L3MBTL4: variants seen among roughly 807,000 people sequenced by gnomAD.
The protein encoded by L3MBTL4 is lethal(3)malignant brain tumor-like protein 4.
Under a neutral mutation model 84.5 loss-of-function variants are expected in L3MBTL4, and 70 were observed. The ratio of observed to expected loss-of-function variants is 0.83; its 90% CI spans 0.68 to 1.01. L3MBTL4 has a LOEUF of 1.01. Among genes scored for constraint, L3MBTL4 ranks in the 50% least tolerant of loss-of-function variants. L3MBTL4 has a pLI of 0.00. For missense variants in L3MBTL4, 715 were observed against 754.8 expected, an observed-to-expected ratio of 0.95 and a Z score of 0.62; for synonymous variants, 274 against 259.8, an observed-to-expected ratio of 1.05 and a Z score of -0.52.
intron 10 of L3MBTL4, among the ~76,000 whole-genome samples, chr18:6,224,158 C>A (rs887300950): frequency 1.3e-5 from 2 of 151,940 alleles, no homozygotes; most frequent in African/African-American, 4.8e-5. Flanking sequence ...AGCCCCAAGG[C>A]GAACAGGTAA....
chr18:6,315,480 T>C (rs1393203867), intron 1 of L3MBTL4, among the ~76,000 whole-genome samples: 1 of 152,226 alleles, frequency 6.6e-6, no homozygotes, highest in African/African-American at 2.4e-5. Context: ...TTTCAATTAA[T>C]ACTTATGACA....
At chr18:6,225,574 A>G (rs1361530521) in intron 10 of L3MBTL4, among the ~76,000 whole-genome samples, 1 of 152,138 alleles carries the variant, frequency 6.6e-6, no homozygotes, top group African/African-American at 2.4e-5. Context: ...AGCCTGGGAA[A>G]CATGGCAAAA....
intron 1 of L3MBTL4, among the ~76,000 whole-genome samples, chr18:6,341,165 G>C (rs2052590934): frequency 6.6e-6 from 1 of 152,012 alleles, no homozygotes; most frequent in Non-Finnish European, 1.5e-5. Context: ...GGCTGGAAGA[G>C]GTGACTACTT....
At position 5,955,878 on chromosome 18, in the gene L3MBTL4, C is replaced by T; in HGVS notation, c.*342G>A. On this transcript the variant is annotated 3_prime_UTR_variant, in exon 19 of 19. Transcript: ENST00000317931. ...TATTTCACCACTTGAGAGTGTTATG[C>T]TTGTAAGATGGAAAATGGTTTCTTT... The T allele has an allele frequency of 5.2e-6, 1 of 193,912 alleles. No individual in the cohort carries two copies. Among genetic ancestry groups the T allele is most frequent in the South Asian group, 1.5e-4 (1 of 6,598 alleles). The allele number at this position is 193,912 out of a possible 1,614,324, so 12.0% of individuals were successfully genotyped here. A position where few individuals can be genotyped will look rare whatever the true frequency, so the allele number is the denominator to read the frequency against.
intron 18 of L3MBTL4, among the ~76,000 whole-genome samples, chr18:5,957,461 G>A (rs912283409): frequency 6.6e-6 from 1 of 151,808 alleles, no homozygotes; most frequent in African/African-American, 2.4e-5. Context: ...AGTGGCCACC[G>A]TGTAGGCTGC....
chr18:6,060,311 T>A (rs1312501401), intron 16 of L3MBTL4, among the ~76,000 whole-genome samples: 1 of 152,106 alleles, frequency 6.6e-6, no homozygotes, highest in Non-Finnish European at 1.5e-5. Flanking sequence ...CCTATTCCTC[T>A]ATGCCTAAAA....
At chr18:6,177,352 T>C (rs2044269140) in intron 12 of L3MBTL4, among the ~76,000 whole-genome samples, 1 of 152,166 alleles carries the variant, frequency 6.6e-6, no homozygotes, top group Non-Finnish European at 1.5e-5. Context: ...TGTTGAGCAA[T>C]GAGGCAGACA....
chr18:6,408,793 T>C (rs1171937903), intron 1 of L3MBTL4, among the ~76,000 whole-genome samples: 21 of 152,120 alleles, frequency 1.4e-4, no homozygotes, highest in African/African-American at 4.1e-4. Flanking sequence ...GCGATTCTCC[T>C]GCCTCAGCCT....
intron 1 of L3MBTL4, among the ~76,000 whole-genome samples, chr18:6,377,601 C>G (rs2054421014): frequency 1.3e-5 from 2 of 152,094 alleles, no homozygotes; most frequent in Admixed American, 1.3e-4. Context: ...TGTTAGTTTG[C>G]TGAGAATGAT....
At chr18:6,166,678 A>T (rs896478867) in intron 13 of L3MBTL4, among the ~76,000 whole-genome samples, 1 of 152,220 alleles carries the variant, frequency 6.6e-6, no homozygotes, top group African/African-American at 2.4e-5. Context: ...CATTCAAAGC[A>T]GTGTGTAGAG....
At chr18:6,353,060 C>T (rs1043919042) in intron 1 of L3MBTL4, among the ~76,000 whole-genome samples, 1 of 152,108 alleles carries the variant, frequency 6.6e-6, no homozygotes, top group Non-Finnish European at 1.5e-5. Flanking sequence ...CAAGTAAATG[C>T]AACCTAGTGC....
intron 12 of L3MBTL4, among the ~76,000 whole-genome samples, chr18:6,189,073 C>G (rs1008449407): frequency 2.0e-5 from 3 of 152,230 alleles, no homozygotes; most frequent in African/African-American, 2.4e-5. Flanking sequence ...TAGGGCCACA[C>G]TCCATCTGGG....
intron 16 of L3MBTL4, among the ~76,000 whole-genome samples, chr18:6,007,895 TA>T (rs1479359815): frequency 6.6e-6 from 1 of 152,144 alleles, no homozygotes; most frequent in African/African-American, 2.4e-5. Context: ...CTTATTGTGT[TA>T]AAAAACGGTG....
At chr18:6,360,727 C>T (rs747526429) in intron 1 of L3MBTL4, among the ~76,000 whole-genome samples, 6 of 151,958 alleles carry the variant, frequency 3.9e-5, no homozygotes, top group Non-Finnish European at 7.4e-5. Context: ...TGCTAGCTCA[C>T]GCCTGTAAAC....
intron 16 of L3MBTL4, among the ~76,000 whole-genome samples, chr18:6,042,411 T>G (rs1306689900): frequency 6.6e-6 from 1 of 151,840 alleles, no homozygotes; most frequent in African/African-American, 2.4e-5. Context: ...AATCCACACC[T>G]GCCTCCAGTC....
intron 4 of L3MBTL4, among the ~76,000 whole-genome samples, chr18:6,267,110 TGTTATTGACAACAAAGGGAA>T (rs1387031485): frequency 4.6e-5 from 7 of 152,054 alleles, no homozygotes; most frequent in Non-Finnish European, 1.0e-4. Context: ...TACCCATATA[TGTTATTGACAACAAAGGGAA>T]GTAATTTAAA....
chr18:6,041,749 G>C (rs957069475), intron 16 of L3MBTL4, among the ~76,000 whole-genome samples: 11 of 151,914 alleles, frequency 7.2e-5, no homozygotes, highest in African/African-American at 2.4e-4. Flanking sequence ...TTTTTAGATG[G>C]GGTCTCACCC....
intron 16 of L3MBTL4, among the ~76,000 whole-genome samples, chr18:6,061,920 TTA>T (rs2057236210): frequency 6.6e-6 from 1 of 151,970 alleles, no homozygotes. Flanking sequence ...CTCTCATCCC[TTA>T]TGTTATTGCC....
At chr18:6,267,571 C>G (rs1288147388) in intron 4 of L3MBTL4, among the ~76,000 whole-genome samples, 1 of 152,236 alleles carries the variant, frequency 6.6e-6, no homozygotes, top group African/African-American at 2.4e-5. Context: ...AAAAACATTA[C>G]AGCAGTGTTG....
Sources: allele counts gnomAD v4.1 joint callset (sites outside exome capture counted in the v4.1 genomes callset), GRCh38; gene constraint gnomAD v4.1.1; transcripts MANE v1.5; gene names NCBI Gene and HGNC (gene_info 2026-07-23, HGNC 2026-07-21).